The following HAL variants were observed in gnomAD, a reference collection of about 807,000 sequenced individuals.
HAL encodes histidase.
Under a neutral mutation model 81.1 loss-of-function variants are expected in HAL, and 85 were observed. The observed-to-expected ratio is 1.05, with a 90% confidence interval of 0.88 to 1.25. HAL has a LOEUF of 1.25. HAL is among the 50% of genes most tolerant of loss of function. The pLI, the probability that HAL is intolerant of heterozygous loss-of-function variation, is 0.00. For synonymous variants in HAL, 301 were observed against 309.2 expected, an observed-to-expected ratio of 0.97 and a Z score of 0.28; for missense variants, 798 against 836.6, an observed-to-expected ratio of 0.95 and a Z score of 0.57.
Position 95,994,974 on chromosome 12 carries a change from C to G in HAL, c.267G>C (p.Met89Ile). ...GTTGAGATGGAATGAAGTCAGGAGA[C>G]ATGGCATCACCCTCTATAACTAAAA... is the stretch of plus-strand genomic sequence containing the variant. ...FVEVVIEGDA[M>I]SPDFIPSQPE... The change falls in exon 3 of 21, where the codon ATG becomes ATC. Residue 89 changes from methionine to isoleucine, a missense_variant. Met to Ile is a conservative substitution (Grantham distance 10, BLOSUM62 1). Transcript: ENST00000261208. 6.2e-7 allele frequency: 1 copy of G among 1,611,568 alleles called. No individual in the cohort carries two copies. The highest frequency in any genetic ancestry group is 8.5e-7 in the Non-Finnish European group (1 of 1,177,718).
At chr12:95,977,059 T>C (rs2080729429) in intron 18 of HAL, among the ~76,000 whole-genome samples, 1 of 152,104 alleles carries the variant, frequency 6.6e-6, no homozygotes, top group Non-Finnish European at 1.5e-5. Context: ...GTCATGTGGG[T>C]AGGGAAGGAA....
Position 95,995,976 on chromosome 12 carries a change from A to ACTCCTG in HAL, c.-67_-66insCAGGAG, listed in dbSNP as rs1950031834. 1 of 1,553,082 alleles carries ACTCCTG rather than the reference A, an allele frequency of 6.4e-7. No homozygotes were observed. Among genetic ancestry groups the ACTCCTG allele is most frequent in the African/African-American group, 1.4e-5 (1 of 73,928 alleles). ...GGGAGAGCTTTATGCAGGAGTGGCT[A>ACTCCTG]CCGGGGTGTGGTCAGCTGGAAGGAT... On this transcript the variant is annotated 5_prime_UTR_variant, in exon 2 of 21. Coordinates refer to ENST00000261208, the MANE Select transcript of HAL (RefSeq NM_002108.4).
rs756221856 is a variant in HAL, at chr12:95,977,903, T to A, written c.1654+41A>T. The A allele has an allele frequency of 1.5e-5, 24 of 1,609,742 alleles. No individual in the cohort carries two copies. In the East Asian group the frequency reaches 5.1e-4, roughly 34 times the overall value. On this transcript the variant is annotated intron_variant, in intron 18 of 20. Coordinates refer to ENST00000261208, the MANE Select transcript of HAL (RefSeq NM_002108.4). ...CACTTGAGAACCACGGGCACAGTGG[T>A]CTATCAGGCAGGCCCGCCACCCCGA...
Position 95,992,664 on chromosome 12 carries a change from G to A in HAL, c.715+16C>T, listed in dbSNP as rs1362426491. On this transcript the variant is annotated intron_variant, in intron 9 of 20. Transcript: ENST00000261208. ...CAGCCTCCACAGAGGTTCCGTCTAG[G>A]GAGCCATTGCATTACCATTAAACAT... 5 of 1,607,846 alleles carry A rather than the reference G, an allele frequency of 3.1e-6. No individual in the cohort carries two copies. Among genetic ancestry groups the A allele is most frequent in the African/African-American group, 2.7e-5 (2 of 74,750 alleles).
intron 18 of HAL, among the ~76,000 whole-genome samples, chr12:95,977,710 T>C (rs10745746): frequency 0.86 from 128,465 of 150,092 alleles, 55,444 homozygotes; most frequent in African/African-American, 0.96. Context: ...GCATGGTTCC[T>C]TGGTTCTTAA....
chr12:95,988,282 ATAC>A (rs1949921792), intron 10 of HAL, 42 bp from the exon 11 acceptor site: 1 of 968,670 alleles, frequency 1.0e-6, no homozygotes. Context: ...ATCAAATGAA[ATAC>A]TAGCCTATTT....
chr12:95,978,111 C>T, intron 17 of HAL, 33 bp from the exon 18 acceptor site: 1 of 1,600,982 alleles, frequency 6.2e-7, no homozygotes, highest in East Asian at 2.2e-5. Context: ...AAGAAGTGCT[C>T]CTCACAGGAT....
Position 95,993,929 on chromosome 12 carries a change from T to C in HAL, c.481A>G (p.Thr161Ala). 1 of 1,578,124 alleles carries C rather than the reference T, an allele frequency of 6.3e-7. No homozygotes were observed. The highest frequency in any genetic ancestry group is 8.7e-7 in the Non-Finnish European group (1 of 1,147,480). The change falls in exon 6 of 21, where the codon ACA (threonine) becomes GCA (alanine). Residue 161 changes from threonine (T) to alanine (A), a missense_variant. Thr to Ala is a moderately conservative substitution (Grantham distance 58). Transcript: ENST00000261208. ...EVIDSIIKEK[T>A]VVYGITTGFG... Reference sequence around the variant, plus strand: ...TAACATAAAGATAAAAAGATACCTGTTTTCTCTTTTATGATGCTATCTATG... The same window carrying C: ...TAACATAAAGATAAAAAGATACCTGCTTTCTCTTTTATGATGCTATCTATG...
chr12:95,988,010 C>T (rs4762262), intron 11 of HAL, among the ~76,000 whole-genome samples, 183 bp downstream of exon 11: 3 of 152,154 alleles, frequency 2.0e-5, no homozygotes, highest in African/African-American at 2.4e-5. Context: ...TACAGGCATC[C>T]GCCACCATGC....
In HAL at chr12:95,985,921, C is replaced by G; in HGVS notation, c.1193G>C (p.Arg398Pro). 1 of 1,609,418 alleles carries G rather than the reference C, an allele frequency of 6.2e-7. No individual in the cohort carries two copies. The highest frequency in any genetic ancestry group is 8.5e-7 in the Non-Finnish European group (1 of 1,176,540). The change falls in exon 14 of 21, where the codon CGC (arginine) becomes CCC (proline). Residue 398 changes from arginine (R) to proline (P), a missense_variant. Coordinates refer to ENST00000261208, the MANE Select transcript of HAL (RefSeq NM_002108.4). ...CDRVQDAYTL[R>P]CCPQVHGVVN... is the part of the protein sequence containing the mutation. ...TCTTTATTTTACCTGTGGACAGCAG[C>G]GCAAGGTGTATGCATCCTGGACGCG... is the stretch of plus-strand genomic sequence containing the variant.
Position 95,990,527 on chromosome 12 carries a change from A to G in HAL, c.721T>C (p.Cys241Arg), listed in dbSNP as rs959751427. The G allele has an allele frequency of 6.2e-7, 1 of 1,613,656 alleles. No homozygotes were observed. Among genetic ancestry groups the G allele is most frequent in the Non-Finnish European group, 8.5e-7 (1 of 1,179,578 alleles). The change falls in exon 10 of 21, where the codon TGC (cysteine) becomes CGC (arginine). Residue 241 changes from cysteine (C) to arginine (R), a missense_variant. Coordinates refer to ENST00000261208, the MANE Select transcript of HAL (RefSeq NM_002108.4). ...KQVIEMFNASCLPYVPEKGTV... is the reference protein window; with the variant it reads ...KQVIEMFNASRLPYVPEKGTV... ...CCTTTCTCTGGGACATAGGGCAGGC[A>G]GGAGGCTGGGAGAGAAGTAGGCAGC...
intron 19 of HAL, 21 bp from the exon 20 acceptor site, chr12:95,976,519 C>A: frequency 6.2e-7 from 1 of 1,612,750 alleles, no homozygotes; most frequent in Non-Finnish European, 8.5e-7. Flanking sequence ...AGCACATCCG[C>A]CCATCAGCCA....
intron 2 of HAL, 152 bp from the exon 3 acceptor site, chr12:95,995,145 T>C: frequency 1.4e-6 from 1 of 704,286 alleles, no homozygotes; most frequent in East Asian, 2.7e-5. Flanking sequence ...TCTTAGCATC[T>C]TTATGTAGGA....
chr12:95,995,790 C>A lies in HAL; in HGVS notation c.121G>T (p.Asp41Tyr). ...AVRRYIKNKP[D>Y]NGGFTSVDDA... ...TCCACGGAGGTGAAGCCACCATTGTCGGGCTTATTCTTGATATAGCGCCTC... is the reference window on the plus strand; with the variant it reads ...TCCACGGAGGTGAAGCCACCATTGTAGGGCTTATTCTTGATATAGCGCCTC... Residue 41 changes from aspartate to tyrosine, a missense_variant, in exon 2 of 21, where the codon GAC becomes TAC. Coordinates refer to ENST00000261208, the MANE Select transcript of HAL (RefSeq NM_002108.4). 6.2e-7 allele frequency: 1 copy of A among 1,613,522 alleles called. No homozygotes were observed. Among genetic ancestry groups the A allele is most frequent in the Non-Finnish European group, 8.5e-7 (1 of 1,180,024 alleles).
At chr12:95,977,034 G>T (rs1325097295) in intron 18 of HAL, among the ~76,000 whole-genome samples, 3 of 152,068 alleles carry the variant, frequency 2.0e-5, no homozygotes, top group Non-Finnish European at 4.4e-5. Context: ...ACAAAGGTTT[G>T]TTGGCCAAGT....
Position 95,994,942 on chromosome 12 carries a change from C to T in HAL, c.299G>A (p.Gly100Glu), listed in dbSNP as rs1333995205. 16 of 1,612,936 alleles carry T rather than the reference C, an allele frequency of 9.9e-6. No homozygotes were observed. Among genetic ancestry groups the T allele is most frequent in the South Asian group, 2.2e-5 (2 of 91,056 alleles). ...CTGTGGGAAAGGATACAGATAAACTCCTTCTGGTTGAGATGGAATGAAGTC... is the reference window on the plus strand; with the variant it reads ...CTGTGGGAAAGGATACAGATAAACTTCTTCTGGTTGAGATGGAATGAAGTC... The part of the protein sequence containing the change: ...SPDFIPSQPE[G>E]VYLYSKYREP... Residue 100 changes from glycine (G) to glutamate (E), a missense_variant, in exon 3 of 21, where the codon GGA becomes GAA. By Grantham distance (98) the Gly-to-Glu change is moderately conservative. Coordinates refer to ENST00000261208, the MANE Select transcript of HAL (RefSeq NM_002108.4).
rs77869005 is a variant in HAL at position 95,996,318 on chromosome 12, A to G, written c.-322T>C. 767 of 266,572 alleles carry G rather than the reference A, an allele frequency of 2.9e-3. 13 individuals carry two copies. In the East Asian group the frequency reaches 0.052, roughly 18 times the overall value. 16.5% of individuals were successfully genotyped at this position (266,572 alleles called of 1,614,324 possible). The stretch of plus-strand genomic sequence containing the variant: ...TGTTCTCTGCCATTAAGGGCAGCTT[A>G]TAAACACCATGTTCCTGTCTTTATC... On this transcript the variant is annotated 5_prime_UTR_variant, in exon 1 of 21. Coordinates refer to ENST00000261208, the MANE Select transcript of HAL (RefSeq NM_002108.4).
chr12:95,979,923 G>A lies in HAL; in HGVS notation c.1519+633C>T, dbSNP rs181477627. Among the ~76,000 whole-genome samples, 4 of 152,326 alleles carry A rather than the reference G, an allele frequency of 2.6e-5. No homozygotes were observed. The East Asian group carries it at 5.8e-4, about 22-fold the overall frequency. ...AGCACTTACCTCAGGTGACAATTGT[G>A]CAATTAAGTGAATGAACATAAATGA... On this transcript the variant is annotated intron_variant, in intron 17 of 20. Coordinates refer to ENST00000261208, the MANE Select transcript of HAL (RefSeq NM_002108.4).
intron 17 of HAL, among the ~76,000 whole-genome samples, chr12:95,979,549 C>T (rs1160626551): frequency 1.3e-5 from 2 of 152,214 alleles, no homozygotes; most frequent in East Asian, 1.9e-4. Flanking sequence ...CTAGCATCTA[C>T]GCATGTAATA....
Sources: gnomAD v4.1 joint callset for allele counts (sites outside exome capture counted in the v4.1 genomes callset) on GRCh38, gnomAD v4.1.1 for gene constraint, MANE v1.5 for transcripts, NCBI Gene and HGNC (gene_info 2026-07-23, HGNC 2026-07-21) for gene names.